COL13A1: variants seen among roughly 807,000 people sequenced by gnomAD.
The protein encoded by COL13A1 is collagen type XIII alpha 1 chain, also known as collagen alpha-1(XIII) chain.
Under a neutral mutation model 130.9 loss-of-function variants are expected in COL13A1, and 89 were observed. The observed-to-expected ratio is 0.68, with a 90% CI of 0.57 to 0.81. COL13A1 has a LOEUF of 0.81. Ranked by LOEUF, COL13A1 falls within the 30% of genes least tolerant of loss-of-function variation. COL13A1 has a pLI of 0.00. For missense variants in COL13A1, 879 were observed against 934.6 expected, an observed-to-expected ratio of 0.94 and a Z score of 0.78; for synonymous variants, 402 against 341.6, an observed-to-expected ratio of 1.18 and a Z score of -1.95.
At chr10:69,870,453 C>T (rs2058950289) in intron 3 of COL13A1, among the ~76,000 whole-genome samples, 1 of 150,566 alleles carries the variant, frequency 6.6e-6, no homozygotes, top group Admixed American at 6.6e-5. Context: ...GCTAGGACTA[C>T]AGGCGTATGC....
intron 17 of COL13A1, among the ~76,000 whole-genome samples, chr10:69,910,974 T>C (rs1471975649): frequency 6.6e-6 from 1 of 152,108 alleles, no homozygotes; most frequent in African/African-American, 2.4e-5. Context: ...AGGCTGTGGG[T>C]TTCAGACCAG....
chr10:69,857,294 G>T (rs763958348), intron 2 of COL13A1, among the ~76,000 whole-genome samples: 3 of 152,190 alleles, frequency 2.0e-5, no homozygotes, highest in African/African-American at 4.8e-5. Flanking sequence ...TCACTCAAAA[G>T]GTCACCCAGC....
intron 7 of COL13A1, among the ~76,000 whole-genome samples, chr10:69,884,986 T>C (rs1325533445): frequency 6.6e-6 from 1 of 152,192 alleles, no homozygotes; most frequent in Non-Finnish European, 1.5e-5. Flanking sequence ...TAGTAAAAGG[T>C]AAAATGAAAG....
intron 2 of COL13A1, among the ~76,000 whole-genome samples, chr10:69,833,884 C>T (rs547990484): frequency 2.6e-5 from 4 of 152,090 alleles, no homozygotes; most frequent in South Asian, 2.1e-4. Context: ...GGAGGCAGAC[C>T]GTGGAGGGAG....
intron 39 of COL13A1, chr10:69,955,007 A>G (rs1290669059): frequency 6.6e-6 from 1 of 152,316 alleles, no homozygotes; most frequent in Non-Finnish European, 1.5e-5. Flanking sequence ...TCCAAGGCTC[A>G]AGGGGTTACA....
At chr10:69,844,086 G>A (rs1852343788) in intron 2 of COL13A1, among the ~76,000 whole-genome samples, 1 of 152,198 alleles carries the variant, frequency 6.6e-6, no homozygotes, top group South Asian at 2.1e-4. Flanking sequence ...CAAGCCCTGA[G>A]GGCTTCCCGG....
At chr10:69,806,496 G>A (rs528929922) in intron 1 of COL13A1, among the ~76,000 whole-genome samples, 6 of 152,202 alleles carry the variant, frequency 3.9e-5, no homozygotes, top group African/African-American at 1.4e-4. Context: ...AGCTCTGTGG[G>A]GAACCAGGAG....
chr10:69,878,407 C>T (rs913095614), intron 6 of COL13A1, among the ~76,000 whole-genome samples: 2 of 152,320 alleles, frequency 1.3e-5, no homozygotes, highest in South Asian at 4.1e-4. Flanking sequence ...ATAGAGCCCC[C>T]CTGGGAAGTC....
chr10:69,890,729 C>A (rs2061093482), intron 10 of COL13A1, among the ~76,000 whole-genome samples: 1 of 152,260 alleles, frequency 6.6e-6, no homozygotes, highest in South Asian at 2.1e-4. Context: ...GTCCTCTTGA[C>A]TCAGATCCAA....
chr10:69,824,190 C>G, intron 2 of COL13A1: 1 of 470,706 alleles, frequency 2.1e-6, no homozygotes, highest in Admixed American at 2.4e-5. Flanking sequence ...AGAGATTCCT[C>G]GAGATAATCC....
chr10:69,924,951 G>T lies in COL13A1; in HGVS notation c.1285-12G>T, dbSNP rs2065155606. On this transcript the variant is annotated splice_polypyrimidine_tract_variant and intron_variant, in intron 24 of 40. Coordinates refer to ENST00000645393, the MANE Select transcript of COL13A1 (RefSeq NM_001368882.1). ...TTTATCCCCACTTTGCTCCAATTTT[G>T]TCATGCAACAGGGGGAGCGTGGAGC... The T allele has an allele frequency of 6.3e-7, 1 of 1,581,438 alleles. No individual in the cohort carries two copies.
intron 17 of COL13A1, among the ~76,000 whole-genome samples, chr10:69,911,799 C>T (rs2063408862): frequency 1.3e-5 from 2 of 152,378 alleles, no homozygotes; most frequent in African/African-American, 4.8e-5. Context: ...TTGGCACTGA[C>T]TCCATCCAAA....
intron 1 of COL13A1, among the ~76,000 whole-genome samples, chr10:69,803,170 G>T (rs902191740): frequency 6.6e-6 from 1 of 152,200 alleles, no homozygotes; most frequent in African/African-American, 2.4e-5. Context: ...TAAGGACCCG[G>T]GGGGTGCGGG....
intron 30 of COL13A1, chr10:69,931,367 A>C: frequency 2.8e-6 from 1 of 353,444 alleles, no homozygotes; most frequent in Non-Finnish European, 5.8e-6. Flanking sequence ...GGCTGCCCTA[A>C]TCCCAAGCCT....
intron 30 of COL13A1, chr10:69,931,191 C>T (rs1209196899): frequency 2.2e-6 from 1 of 456,120 alleles, no homozygotes. Flanking sequence ...GAGAGGAGAA[C>T]ATGGTGGCCA....
At chr10:69,822,858 C>T (rs906209451) in intron 2 of COL13A1, among the ~76,000 whole-genome samples, 3 of 152,216 alleles carry the variant, frequency 2.0e-5, no homozygotes, top group Admixed American at 1.3e-4. Flanking sequence ...GAATGAATGA[C>T]CCTATAATTG....
chr10:69,820,687 C>T lies in COL13A1; in HGVS notation c.295-1682C>T, dbSNP rs114613511. On this transcript the variant is annotated intron_variant, in intron 1 of 40. Transcript: ENST00000645393. ...AGCCTCCCCTTTCTAAGTGAGGGTC[C>T]CCACTTTGGGGTGTTTCCCCTCTTC... Among the ~76,000 whole-genome samples, 475 of 152,302 alleles carry T rather than the reference C, an allele frequency of 3.1e-3. 2 individuals are homozygous for T. Among genetic ancestry groups the T allele is most frequent in the African/African-American group, 0.01 (435 of 41,544 alleles).
chr10:69,825,504 G>T (rs911273528), intron 2 of COL13A1, among the ~76,000 whole-genome samples: 1 of 152,138 alleles, frequency 6.6e-6, no homozygotes, highest in African/African-American at 2.4e-5. Context: ...CTGCTTCCTC[G>T]TGTTCTCCCT....
At chr10:69,913,282 A>G (rs1220529633) in intron 17 of COL13A1, among the ~76,000 whole-genome samples, 2 of 152,162 alleles carry the variant, frequency 1.3e-5, no homozygotes, top group African/African-American at 4.8e-5. Context: ...CAGCCCAAGT[A>G]AGGCGGCTGA....
Sources: gnomAD v4.1 joint callset for allele counts (sites outside exome capture counted in the v4.1 genomes callset) on GRCh38, gnomAD v4.1.1 for gene constraint, MANE v1.5 for transcripts, NCBI Gene and HGNC (gene_info 2026-07-23, HGNC 2026-07-21) for gene names.